Variants in PAPPA observed in about 807,000 individuals in gnomAD.
PAPPA encodes the protein pappalysin-1.
In PAPPA, 60 loss-of-function variants were observed where a neutral mutation model predicts 164.0. The observed-to-expected ratio is 0.37, with a 90% CI of 0.30 to 0.45. The LOEUF is 0.45. Among genes scored for constraint, PAPPA ranks in the 20% least tolerant of loss-of-function variants. The probability of loss-of-function intolerance (pLI) is 1.00; values close to 1 mark genes in which losing one functional copy is unlikely to be tolerated. For missense variants in PAPPA, 1,782 were observed against 2,087.3 expected, an observed-to-expected ratio of 0.85 and a Z score of 2.85; for synonymous variants, 875 against 814.1, an observed-to-expected ratio of 1.07 and a Z score of -1.27.
chr9:116,237,500 C>A (rs1034664820), intron 7 of PAPPA, among the ~76,000 whole-genome samples: 8 of 152,092 alleles, frequency 5.3e-5, no homozygotes, highest in East Asian at 1.9e-4. Flanking sequence ...GAGTTACGAG[C>A]CTATGAGAGC....
chr9:116,252,605 C>G (rs1270245924), intron 7 of PAPPA, among the ~76,000 whole-genome samples: 1 of 152,174 alleles, frequency 6.6e-6, no homozygotes, highest in Admixed American at 6.5e-5. Flanking sequence ...TCTCAACTAC[C>G]CTTAGCACAT....
rs139515735 is a variant in PAPPA, at chr9:116,319,843, G to A, written c.3148-11401G>A. 4.8e-3 allele frequency among the ~76,000 whole-genome samples: 730 copies of A among 152,292 alleles called. 8 individuals are homozygous for A. The highest frequency in any genetic ancestry group is 7.2e-3 in the Non-Finnish European group (492 of 68,024). The stretch of plus-strand genomic sequence containing the variant: ...AGGAGGATAGTAATACTGGCTTCCC[G>A]GGAATGTGGGGAATCTATGTTTGGA... On this transcript the variant is annotated intron_variant, in intron 10 of 21. Coordinates refer to ENST00000328252, the MANE Select transcript of PAPPA (RefSeq NM_002581.5).
chr9:116,324,313 A>C (rs907320019), intron 10 of PAPPA, among the ~76,000 whole-genome samples: 5 of 152,184 alleles, frequency 3.3e-5, no homozygotes, highest in African/African-American at 1.2e-4. Flanking sequence ...AATGCATATC[A>C]TTGTAATACC....
At chr9:116,313,788 C>T (rs1587999518) in intron 10 of PAPPA, among the ~76,000 whole-genome samples, 3 of 152,130 alleles carry the variant, frequency 2.0e-5, no homozygotes, top group Non-Finnish European at 2.9e-5. Context: ...AATTTTAATT[C>T]GTTAAATTTA....
At chr9:116,207,407 T>TTATTTAAATAC (rs11268296) in intron 2 of PAPPA, 49 bp from the exon 3 acceptor site, 1 of 1,505,332 alleles carries the variant, frequency 6.6e-7, no homozygotes, top group East Asian at 2.3e-5. Context: ...AGAGGGCCTG[T>TTATTTAAATAC]TATCTTTTTG....
chr9:116,168,024 G>C (rs1843735359), intron 1 of PAPPA, among the ~76,000 whole-genome samples: 1 of 152,176 alleles, frequency 6.6e-6, no homozygotes, highest in Non-Finnish European at 1.5e-5. Flanking sequence ...CCACATCAGT[G>C]CTCTTTCCAC....
At chr9:116,303,033 A>G in intron 10 of PAPPA, 83 bp downstream of exon 10, 2 of 1,155,860 alleles carry the variant, frequency 1.7e-6, no homozygotes, top group Admixed American at 4.0e-5. Context: ...CCTCTAAGGC[A>G]GTGTCATTGG....
chr9:116,207,137 A>G (rs2118674933), intron 2 of PAPPA, among the ~76,000 whole-genome samples: 1 of 152,250 alleles, frequency 6.6e-6, no homozygotes, highest in Non-Finnish European at 1.5e-5. Flanking sequence ...AAAAAGGAAA[A>G]CATTGCTAAG....
chr9:116,248,198 G>A (rs545369652), intron 7 of PAPPA, among the ~76,000 whole-genome samples: 1 of 152,270 alleles, frequency 6.6e-6, no homozygotes, highest in South Asian at 2.1e-4. Context: ...TTAGAAGAAG[G>A]AAAAGATAAA....
At chr9:116,202,549 A>T (rs1844183738) in intron 2 of PAPPA, among the ~76,000 whole-genome samples, 1 of 152,120 alleles carries the variant, frequency 6.6e-6, no homozygotes, top group Non-Finnish European at 1.5e-5. Context: ...CAATAGTGGG[A>T]TCCAGGTGCA....
Position 116,154,338 on chromosome 9 carries a change from C to A in PAPPA, c.166C>A (p.Arg56Ser), listed in dbSNP as rs1485228405. Residue 56 changes from arginine to serine, a missense_variant, in exon 1 of 22, where the codon CGC becomes AGC. Coordinates refer to ENST00000328252, the MANE Select transcript of PAPPA (RefSeq NM_002581.5). The surrounding 1 kb of genome is among the most constrained non-coding windows in gnomAD (Gnocchi z 5.2). Reference protein sequence around the residue: ...TCATRAARGRRASPPPPPPPG... With the variant: ...TCATRAARGRSASPPPPPPPG... ...CGCCACCCGGGCGGCCCGCGGCCGCCGCGCCTCGCCGCCGCCGCCGCCGCC... is the reference window on the plus strand; with the variant it reads ...CGCCACCCGGGCGGCCCGCGGCCGCAGCGCCTCGCCGCCGCCGCCGCCGCC... 42 of 826,930 alleles carry A rather than the reference C, an allele frequency of 5.1e-5. No homozygotes were observed. The African/African-American group carries it at 6.2e-4, about 12-fold the overall frequency. 51.2% of individuals were successfully genotyped at this position (826,930 alleles called of 1,614,324 possible).
At chr9:116,316,517 T>A (rs1423079947) in intron 10 of PAPPA, 1 of 152,226 alleles carries the variant, frequency 6.6e-6, no homozygotes, top group Non-Finnish European at 1.5e-5. Flanking sequence ...AGCATCACTC[T>A]GGAAGGTCCT....
At position 116,211,883 on chromosome 9, in the gene PAPPA, C is replaced by T; in HGVS notation, c.1869C>T (p.Gly623=). Residue 623 remains glycine, a synonymous_variant, in exon 4 of 22, where the codon GGC becomes GGT. Coordinates refer to ENST00000328252, the MANE Select transcript of PAPPA (RefSeq NM_002581.5). ...CAGGGCCAGGAAATGACACCTGTGG[C>T]TTTCATAGCTTCTTCAACACTCCTT... is the stretch of plus-strand genomic sequence containing the variant. ...GDPGPGNDTC[G]FHSFFNTPYN... 1 of 1,614,132 alleles carries T rather than the reference C, an allele frequency of 6.2e-7. No homozygotes were observed. The highest frequency in any genetic ancestry group is 2.2e-5 in the East Asian group (1 of 44,864).
intron 20 of PAPPA, 99 bp downstream of exon 20, chr9:116,377,746 C>A (rs1846674367): frequency 1.2e-6 from 1 of 863,372 alleles, no homozygotes; most frequent in Non-Finnish European, 1.9e-6. Context: ...GCCATACCTA[C>A]TGAGTGTTGA....
At chr9:116,213,123 T>C (rs1053994207) in intron 4 of PAPPA, among the ~76,000 whole-genome samples, 1 of 152,226 alleles carries the variant, frequency 6.6e-6, no homozygotes, top group African/African-American at 2.4e-5. Context: ...GCAACTGCCC[T>C]GGTGGCTATA....
intron 3 of PAPPA, among the ~76,000 whole-genome samples, chr9:116,209,709 A>G (rs1587953289): frequency 6.6e-6 from 1 of 152,182 alleles, no homozygotes; most frequent in East Asian, 1.9e-4. Context: ...GCTAGCCTAG[A>G]CATTAAGTCT....
intron 9 of PAPPA, among the ~76,000 whole-genome samples, chr9:116,279,333 T>C (rs1845239878): frequency 6.6e-6 from 1 of 152,088 alleles, no homozygotes; most frequent in Non-Finnish European, 1.5e-5. Context: ...AGATCTGAAG[T>C]ACTCAACAGG....
intron 9 of PAPPA, among the ~76,000 whole-genome samples, chr9:116,281,255 T>C (rs1845262904): frequency 6.6e-6 from 1 of 152,048 alleles, no homozygotes; most frequent in African/African-American, 2.4e-5. Flanking sequence ...GAGATGACTG[T>C]GTAAGCGGGT....
chr9:116,306,683 T>C (rs1160278515), intron 10 of PAPPA, among the ~76,000 whole-genome samples: 1 of 152,212 alleles, frequency 6.6e-6, no homozygotes. Context: ...TGGTTTGGTT[T>C]AAGTGCTTGC....
Sources: gnomAD v4.1 joint callset for allele counts (sites outside exome capture counted in the v4.1 genomes callset) on GRCh38, gnomAD v4.1.1 for gene constraint, Gnocchi (gnomAD v3.1) non-coding constraint, MANE v1.5 for transcripts, NCBI Gene and HGNC (gene_info 2026-07-23, HGNC 2026-07-21) for gene names.